GRAP2: variants seen among roughly 807,000 people sequenced by gnomAD.
GRAP2 encodes the protein GRB2-related adapter protein 2.
GRAP2 carries 31 observed loss-of-function variants against 43.5 expected under a neutral mutation model. The ratio of observed to expected loss-of-function variants is 0.71; its 90% CI spans 0.54 to 0.96. The LOEUF (loss-of-function observed/expected upper bound fraction) is 0.96. Ranked by LOEUF, GRAP2 falls within the 40% of genes least tolerant of loss-of-function variation. GRAP2 has a pLI of 0.00. For synonymous variants in GRAP2, 156 were observed against 164.8 expected (o/e 0.95, Z 0.41); for missense variants, 371 against 424.4 (o/e 0.87, Z 1.11).
At chr22:39,970,817 C>A in intron 7 of GRAP2, 88 bp from the exon 8 acceptor site, 1 of 1,238,624 alleles carries the variant, frequency 8.1e-7, no homozygotes, top group Non-Finnish European at 1.1e-6. Context: ...CTCTCAAAGA[C>A]TTGGATGTGG....
intron 1 of GRAP2, among the ~76,000 whole-genome samples, chr22:39,902,572 G>T (rs748234180): frequency 6.6e-6 from 1 of 152,000 alleles, no homozygotes; most frequent in Non-Finnish European, 1.5e-5. Flanking sequence ...TGCTTTTTTA[G>T]ATTGAACTTG....
chr22:39,947,392 G>C (rs1404080892), intron 2 of GRAP2: 6 of 562,692 alleles, frequency 1.1e-5, no homozygotes, highest in Non-Finnish European at 1.9e-5. Flanking sequence ...CTTGTCCTGG[G>C]AGGTTCGTAG....
intron 1 of GRAP2, among the ~76,000 whole-genome samples, chr22:39,901,538 A>G (rs1315846800): frequency 6.6e-6 from 1 of 152,134 alleles, no homozygotes; most frequent in Admixed American, 6.5e-5. Context: ...GAACTGGGAG[A>G]ACACTTGTTC....
chr22:39,945,192 G>A (rs950668347), intron 1 of GRAP2, among the ~76,000 whole-genome samples: 2 of 152,224 alleles, frequency 1.3e-5, no homozygotes, highest in Non-Finnish European at 2.9e-5. Context: ...TGAAGAAAGT[G>A]TACAAAAAGT....
At chr22:39,930,362 A>G (rs1244805101) in intron 1 of GRAP2, among the ~76,000 whole-genome samples, 2 of 152,196 alleles carry the variant, frequency 1.3e-5, no homozygotes, top group African/African-American at 4.8e-5. Flanking sequence ...TTTTTGATAC[A>G]TATGAACTTG....
upstream of GRAP2, among the ~76,000 whole-genome samples, chr22:39,897,399 C>A (rs1279261730): frequency 6.6e-6 from 1 of 151,988 alleles, no homozygotes; most frequent in Non-Finnish European, 1.5e-5. Context: ...ATAACATTAT[C>A]TATGTTTCTA....
At chr22:39,901,479 C>G (rs1177034286) in intron 1 of GRAP2, 149 bp downstream of exon 1, 1 of 363,602 alleles carries the variant, frequency 2.8e-6, no homozygotes, top group East Asian at 7.6e-5. Flanking sequence ...GTCTCTAAAC[C>G]TTTTGCTGTG....
intron 2 of GRAP2, chr22:39,948,067 C>A (rs950122953): frequency 1.3e-5 from 2 of 151,924 alleles, no homozygotes; most frequent in Admixed American, 1.3e-4. Flanking sequence ...CCCAGCAACA[C>A]TGAGGCCATT....
chr22:39,906,347 A>G (rs893813577), intron 1 of GRAP2, among the ~76,000 whole-genome samples: 1 of 152,106 alleles, frequency 6.6e-6, no homozygotes, highest in Non-Finnish European at 1.5e-5. Flanking sequence ...TGGTTATCTC[A>G]TACACTCAGA....
chr22:39,969,377 G>A (rs1480019730), intron 6 of GRAP2, 34 bp from the exon 7 acceptor site: 2 of 1,612,306 alleles, frequency 1.2e-6, no homozygotes, highest in Non-Finnish European at 1.7e-6. Context: ...TGTCCTGGCA[G>A]TGGGGTGACC....
intron 2 of GRAP2, among the ~76,000 whole-genome samples, chr22:39,953,275 C>T (rs913908232): frequency 2.6e-5 from 4 of 152,110 alleles, no homozygotes; most frequent in South Asian, 2.1e-4. Context: ...CACAGTCACC[C>T]GCATGCAATC....
intron 1 of GRAP2, among the ~76,000 whole-genome samples, chr22:39,935,195 ATTCT>A (rs1285389823): frequency 1.3e-5 from 2 of 152,150 alleles, no homozygotes; most frequent in East Asian, 1.9e-4. Flanking sequence ...TTGTTCGTTC[ATTCT>A]TTCTTTCATT....
chr22:39,908,148 A>C lies in GRAP2; in HGVS notation c.-15+6818A>C, dbSNP rs577670944. Among the ~76,000 whole-genome samples the C allele has an allele frequency of 9.2e-5, 14 of 152,324 alleles. No individual in the cohort carries two copies. The South Asian group carries it at 2.9e-3, about 32-fold the overall frequency. On this transcript the variant is annotated intron_variant, in intron 1 of 7. Transcript: ENST00000344138. ...CTGAAGCCCTTTGATTTTCTGCAGA[A>C]AACCACCTAATCCCACTGGGTCTGG...
At chr22:39,915,944 G>C (rs532861858) in intron 1 of GRAP2, among the ~76,000 whole-genome samples, 37 of 152,252 alleles carry the variant, frequency 2.4e-4, no homozygotes, top group African/African-American at 8.9e-4. Context: ...ATTTAGCTGA[G>C]AGCATACACT....
intron 1 of GRAP2, among the ~76,000 whole-genome samples, chr22:39,941,579 GA>G (rs956356390): frequency 6.6e-6 from 1 of 151,986 alleles, no homozygotes; most frequent in Non-Finnish European, 1.5e-5. Flanking sequence ...TTACATGGTT[GA>G]AAAAAATATC....
intron 1 of GRAP2, among the ~76,000 whole-genome samples, chr22:39,934,742 A>G (rs911095792): frequency 1.3e-5 from 2 of 152,080 alleles, no homozygotes; most frequent in Non-Finnish European, 2.9e-5. Flanking sequence ...GTGGGGGCAC[A>G]CGATTGTAGC....
intron 1 of GRAP2, among the ~76,000 whole-genome samples, chr22:39,938,048 C>A (rs573986234): frequency 6.6e-6 from 1 of 151,832 alleles, no homozygotes; most frequent in Non-Finnish European, 1.5e-5. Context: ...GTAATAAATA[C>A]GCATAAGAAG....
In GRAP2 at chr22:39,971,087, T is replaced by A; in HGVS notation, c.*3T>A. 1 of 1,601,974 alleles carries A rather than the reference T, an allele frequency of 6.2e-7. No homozygotes were observed. The highest frequency in any genetic ancestry group is 8.5e-7 in the Non-Finnish European group (1 of 1,175,356). ...ACGTGGCACCCATGACCCGATAAAC[T>A]CTTCAGGGGACAGAAGCTTTTTGTC... On this transcript the variant is annotated 3_prime_UTR_variant, in exon 8 of 8. Transcript: ENST00000344138.
intron 1 of GRAP2, among the ~76,000 whole-genome samples, chr22:39,927,505 T>C (rs1360389261): frequency 6.6e-6 from 1 of 152,226 alleles, no homozygotes; most frequent in Non-Finnish European, 1.5e-5. Context: ...TTTTTAAGCA[T>C]CTGCCCAGAT....
Sources: gnomAD v4.1 joint callset for allele counts (sites outside exome capture counted in the v4.1 genomes callset) on GRCh38, gnomAD v4.1.1 for gene constraint, MANE v1.5 for transcripts, NCBI Gene and HGNC (gene_info 2026-07-23, HGNC 2026-07-21) for gene names.